ADGRL4: variants seen among roughly 807,000 people sequenced by gnomAD.
The protein encoded by ADGRL4 is EGF, latrophilin and seven transmembrane domain containing 1.
ADGRL4 carries 90 observed loss-of-function variants against 74.8 expected under a neutral mutation model. That is an observed-to-expected ratio of 1.20 (90% confidence interval 1.02 to 1.43). ADGRL4 has a LOEUF of 1.43. Ranked by LOEUF, ADGRL4 falls within the 40% of genes most tolerant of loss-of-function variation. The pLI is 0.00. For missense variants in ADGRL4, 881 were observed against 814.3 expected, an observed-to-expected ratio of 1.08 and a Z score of -1.00; for synonymous variants, 311 against 279.2, an observed-to-expected ratio of 1.11 and a Z score of -1.14.
In ADGRL4 at chr1:78,936,656, T is replaced by A. The variant is rs142960426; in HGVS notation, c.761-245A>T. ...AACTTTTTTTGCATTAAATAAAATATAATATGTGTATGTAACCAAGCAAGC... is the reference window on the plus strand; with the variant it reads ...AACTTTTTTTGCATTAAATAAAATAAAATATGTGTATGTAACCAAGCAAGC... On this transcript the variant is annotated intron_variant, in intron 6 of 14. Coordinates refer to ENST00000370742, the MANE Select transcript of ADGRL4 (RefSeq NM_022159.4). Among the ~76,000 whole-genome samples, 15 of 152,272 alleles carry A rather than the reference T, an allele frequency of 9.9e-5. 1 individual carries two copies. The highest frequency in any genetic ancestry group is 3.1e-4 in the African/African-American group (13 of 41,584).
At chr1:78,909,930 C>T (rs1410394669) in intron 12 of ADGRL4, among the ~76,000 whole-genome samples, 3 of 151,646 alleles carry the variant, frequency 2.0e-5, no homozygotes, top group Non-Finnish European at 4.4e-5. Context: ...TAAATTAGCA[C>T]ATAGTCATAA....
intron 8 of ADGRL4, among the ~76,000 whole-genome samples, chr1:78,926,277 C>T (rs1021086079): frequency 1.3e-5 from 2 of 151,974 alleles, no homozygotes; most frequent in Admixed American, 6.6e-5. Context: ...TAGCAAATAA[C>T]CTGTGATTTT....
chr1:78,937,092 T>C (rs940053361), intron 6 of ADGRL4, among the ~76,000 whole-genome samples: 2 of 152,246 alleles, frequency 1.3e-5, no homozygotes, highest in Admixed American at 1.3e-4. Context: ...CATTCTAATT[T>C]GCTATGTTGA....
chr1:78,941,664 T>C (rs781104502), intron 3 of ADGRL4, among the ~76,000 whole-genome samples: 27 of 152,114 alleles, frequency 1.8e-4, no homozygotes, highest in Non-Finnish European at 3.1e-4. Flanking sequence ...CCATCCTCCT[T>C]CTTGCACTTT....
intron 6 of ADGRL4, 46 bp downstream of exon 6, chr1:78,937,761 T>A: frequency 6.4e-7 from 1 of 1,560,984 alleles, no homozygotes; most frequent in Non-Finnish European, 8.7e-7. Context: ...TGAAAATGGC[T>A]TATTTGGAAA....
At position 78,938,197 on chromosome 1, in the gene ADGRL4, A is replaced by C; in HGVS notation, c.479T>G (p.Ile160Ser). 6.2e-7 allele frequency: 1 copy of C among 1,611,520 alleles called. No homozygotes were observed. Among genetic ancestry groups the C allele is most frequent in the South Asian group, 1.1e-5 (1 of 90,400 alleles). The change falls in exon 5 of 15, where the codon ATT (isoleucine) becomes AGT (serine). Residue 160 changes from isoleucine to serine, a missense_variant. By Grantham distance (142) the Ile-to-Ser change is moderately radical (BLOSUM62 -2). Transcript: ENST00000370742. The part of the protein sequence containing the change: ...SVTDLSPTDI[I>S]TYIEILAESS... Reference sequence around the variant, plus strand: ...TTCAGCTAATATTTCTATATATGTAATTATATCTGTTGGTGAAAGATCTGT... The same window carrying C: ...TTCAGCTAATATTTCTATATATGTACTTATATCTGTTGGTGAAAGATCTGT...
At chr1:78,898,573 A>G (rs1648448838) in intron 12 of ADGRL4, among the ~76,000 whole-genome samples, 1 of 152,040 alleles carries the variant, frequency 6.6e-6, no homozygotes, top group Admixed American at 6.6e-5. Flanking sequence ...TGATAGAAAT[A>G]AACAGGGCAA....
intron 8 of ADGRL4, among the ~76,000 whole-genome samples, chr1:78,922,694 TA>T (rs1364823960): frequency 6.6e-6 from 1 of 152,030 alleles, no homozygotes; most frequent in Non-Finnish European, 1.5e-5. Flanking sequence ...TTGACCCTCA[TA>T]AACCTTCTCT....
intron 3 of ADGRL4, among the ~76,000 whole-genome samples, chr1:78,945,663 C>T (rs1162015864): frequency 2.0e-5 from 3 of 152,054 alleles, no homozygotes; most frequent in African/African-American, 4.8e-5. Context: ...TTCAGACACA[C>T]AATAAGTGAA....
intron 2 of ADGRL4, among the ~76,000 whole-genome samples, chr1:78,990,824 G>C (rs545754872): frequency 2.0e-5 from 3 of 151,872 alleles, no homozygotes; most frequent in Non-Finnish European, 4.4e-5. Context: ...ATTCTCAATA[G>C]GTTTCTGTGT....
At chr1:78,945,288 G>A (rs539370502) in intron 3 of ADGRL4, among the ~76,000 whole-genome samples, 96 of 151,202 alleles carry the variant, frequency 6.3e-4, no homozygotes, top group African/African-American at 2.1e-3. Flanking sequence ...TAGAAGCAGC[G>A]CATTACCCTT....
At chr1:78,982,613 T>A (rs1471197304) in intron 2 of ADGRL4, among the ~76,000 whole-genome samples, 1 of 151,914 alleles carries the variant, frequency 6.6e-6, no homozygotes, top group Non-Finnish European at 1.5e-5. Flanking sequence ...ATTCTTACAA[T>A]ATGAGGACTA....
chr1:78,994,194 T>A (rs549907775), intron 2 of ADGRL4, among the ~76,000 whole-genome samples: 1 of 152,294 alleles, frequency 6.6e-6, no homozygotes, highest in South Asian at 2.1e-4. Flanking sequence ...CAATGTAAAG[T>A]TTATGATACT....
intron 14 of ADGRL4, among the ~76,000 whole-genome samples, 153 bp downstream of exon 14, chr1:78,891,371 G>T (rs1017623496): frequency 6.6e-6 from 1 of 151,948 alleles, no homozygotes; most frequent in South Asian, 2.1e-4. Flanking sequence ...TAATACCAAG[G>T]TTCTTTTAAA....
At chr1:78,931,392 G>A (rs1429314233) in intron 7 of ADGRL4, among the ~76,000 whole-genome samples, 5 of 151,376 alleles carry the variant, frequency 3.3e-5, no homozygotes, top group South Asian at 2.1e-4. Context: ...GAGGGATTTC[G>A]TCACCACCAG....
In ADGRL4 at chr1:78,890,904, C is replaced by T. The variant is rs534527427; in HGVS notation, c.*250G>A. 1.1e-5 allele frequency: 5 copies of T among 461,444 alleles called. No individual in the cohort carries two copies. The South Asian group carries it at 1.4e-4, about 13-fold the overall frequency. 28.6% of individuals were successfully genotyped at this position (461,444 alleles called of 1,614,324 possible). The stretch of plus-strand genomic sequence containing the variant: ...GATATCACTCCTGAGAAACCAATTA[C>T]TTTCCAAATATCTGCAATACTATTT... On this transcript the variant is annotated 3_prime_UTR_variant, in exon 15 of 15. Coordinates refer to ENST00000370742, the MANE Select transcript of ADGRL4 (RefSeq NM_022159.4).
chr1:78,986,409 A>C (rs1264373152), intron 2 of ADGRL4, among the ~76,000 whole-genome samples: 1 of 151,596 alleles, frequency 6.6e-6, no homozygotes, highest in Non-Finnish European at 1.5e-5. Flanking sequence ...AAACCAGTTT[A>C]GGCAACAGAG....
chr1:78,892,419 C>G (rs112156427), intron 13 of ADGRL4, among the ~76,000 whole-genome samples: 1 of 152,108 alleles, frequency 6.6e-6, no homozygotes, highest in Non-Finnish European at 1.5e-5. Context: ...TGATTATTCT[C>G]TCATTCATTT....
intron 2 of ADGRL4, among the ~76,000 whole-genome samples, chr1:78,995,207 A>G (rs1650689829): frequency 6.6e-6 from 1 of 152,128 alleles, no homozygotes; most frequent in Admixed American, 6.6e-5. Context: ...GGTTCAAGTG[A>G]CCCCGGTATA....
Sources: allele counts gnomAD v4.1 joint callset (sites outside exome capture counted in the v4.1 genomes callset), GRCh38; gene constraint gnomAD v4.1.1; transcripts MANE v1.5; gene names NCBI Gene and HGNC (gene_info 2026-07-23, HGNC 2026-07-21).